Variants in SUOX observed in about 807,000 individuals in gnomAD.
SUOX encodes the protein sulfite oxidase, mitochondrial.
In SUOX, 39 loss-of-function variants were observed where a neutral mutation model predicts 41.9. That is an observed-to-expected ratio of 0.93 (90% CI 0.72 to 1.21). SUOX has a LOEUF of 1.21. Ranked by LOEUF, SUOX falls within the 50% of genes most tolerant of loss-of-function variation. The pLI is 0.00. For synonymous variants in SUOX, 220 were observed against 268.4 expected (o/e 0.82, Z 1.76); for missense variants, 633 against 689.5 (o/e 0.92, Z 0.92).
At chr12:56,003,032 CAA>C (rs34305778) in intron 4 of SUOX, 4,026 of 216,708 alleles carry the variant, frequency 0.019, no homozygotes, top group Middle Eastern at 0.032. Context: ...GACTCCATCT[CAA>C]AAAAAAAAAA....
At chr12:56,000,746 T>C (rs1333113308) in intron 2 of SUOX, among the ~76,000 whole-genome samples, 2 of 152,204 alleles carry the variant, frequency 1.3e-5, no homozygotes, top group Non-Finnish European at 2.9e-5. Context: ...CCCAGCTCTT[T>C]TATTACAGTA....
Position 56,003,934 on chromosome 12 carries a change from G to A in SUOX, c.545G>A (p.Arg182His), listed in dbSNP as rs1376981593. The part of the protein sequence containing the change: ...TSDPYADDPV[R>H]HPALKVNSQR... ...GACCCTTATGCTGATGATCCTGTAC[G>A]TCACCCAGCCCTGAAGGTCAACAGC... The change falls in exon 5 of 5, where the codon CGT (arginine) becomes CAT (histidine). Residue 182 changes from arginine (R) to histidine (H), a missense_variant. Physicochemically the swap from Arg to His is conservative, Grantham distance 29. Transcript: ENST00000266971. 85 of 1,613,878 alleles carry A rather than the reference G, an allele frequency of 5.3e-5. No individual in the cohort carries two copies. The highest frequency in any genetic ancestry group is 1.6e-4 in the Middle Eastern group (1 of 6,082).
intron 2 of SUOX, chr12:56,001,841 A>T: frequency 1.0e-6 from 1 of 965,200 alleles, no homozygotes; most frequent in Non-Finnish European, 1.3e-6. Flanking sequence ...TGCTGACTTC[A>T]GAAATAATAA....
chr12:56,002,135 T>C, intron 2 of SUOX, 77 bp from the exon 3 acceptor site: 1 of 1,585,862 alleles, frequency 6.3e-7, no homozygotes, highest in African/African-American at 1.3e-5. Context: ...TGTCTTCCTC[T>C]CACCCATTCC....
chr12:55,998,548 AG>A (rs1181319695), intron 2 of SUOX, among the ~76,000 whole-genome samples: 2 of 151,412 alleles, frequency 1.3e-5, no homozygotes, highest in Admixed American at 6.6e-5. Flanking sequence ...TGTCAGGGGC[AG>A]GGGGAGGGGA....
intron 4 of SUOX, chr12:56,003,184 C>T (rs1214407811): frequency 4.0e-6 from 1 of 248,464 alleles, no homozygotes; most frequent in Non-Finnish European, 7.9e-6. Flanking sequence ...TAATCTGCTA[C>T]CTTCGCTTCC....
At chr12:56,002,362 TGA>T (rs1410873112) in intron 3 of SUOX, 91 bp downstream of exon 3, 2 of 1,519,620 alleles carry the variant, frequency 1.3e-6, no homozygotes, top group African/African-American at 1.4e-5. Context: ...ATAAGACAGT[TGA>T]GAGAGTGTGT....
intron 2 of SUOX, among the ~76,000 whole-genome samples, chr12:56,001,119 T>TC (rs1890508816): frequency 1.6e-4 from 2 of 12,892 alleles, no homozygotes; most frequent in Non-Finnish European, 2.8e-4. Context: ...TTAATCTCTC[T>TC]TTTTTTTTTT....
At chr12:56,002,920 G>A (rs1890588135) in intron 4 of SUOX, 200 bp downstream of exon 4, 2 of 556,874 alleles carry the variant, frequency 3.6e-6, no homozygotes, top group South Asian at 3.9e-5. Context: ...TCAGCTACTT[G>A]AGAGGCTGAG....
chr12:56,001,109 T>C (rs991289996), intron 2 of SUOX, among the ~76,000 whole-genome samples: 1 of 143,746 alleles, frequency 7.0e-6, no homozygotes, highest in Admixed American at 7.3e-5. Flanking sequence ...GTTATTGTTG[T>C]TAATCTCTCT....
In SUOX at chr12:56,004,890, C is replaced by A. The variant is rs755326287; in HGVS notation, c.1501C>A (p.Gln501Lys). ...GTTGAAAGCCCCTGTGCCAGCTGGACAAAAGGAACTGAACATTGTTTGTAA... is the reference window on the plus strand; with the variant it reads ...GTTGAAAGCCCCTGTGCCAGCTGGAAAAAAGGAACTGAACATTGTTTGTAA... ...WQLKAPVPAG[Q>K]KELNIVCKAV... The change falls in exon 5 of 5, where the codon CAA (glutamine) becomes AAA (lysine). Residue 501 changes from glutamine to lysine, a missense_variant. By Grantham distance (53) the Gln-to-Lys change is moderately conservative. Coordinates refer to ENST00000266971, the MANE Select transcript of SUOX (RefSeq NM_001032386.2). The surrounding 1 kb of genome is among the most constrained non-coding windows in gnomAD (Gnocchi z 4.5). 2.5e-6 allele frequency: 4 copies of A among 1,614,082 alleles called. No individual in the cohort carries two copies. The East Asian group carries it at 8.9e-5, about 36-fold the overall frequency.
intron 2 of SUOX, among the ~76,000 whole-genome samples, chr12:55,999,974 C>G (rs957598835): frequency 6.6e-5 from 10 of 152,176 alleles, no homozygotes; most frequent in Admixed American, 6.5e-5. Flanking sequence ...TTGGTGCATT[C>G]ACAAACCCTG....
At chr12:56,000,513 G>A (rs959173899) in intron 2 of SUOX, among the ~76,000 whole-genome samples, 10 of 152,144 alleles carry the variant, frequency 6.6e-5, no homozygotes, top group African/African-American at 1.7e-4. Flanking sequence ...CCCGGTTCCC[G>A]CTCGCACCTC....
rs529781894 is a variant in SUOX, at chr12:56,003,782, T to G, written c.393T>G (p.Gly131=). 1.8e-5 allele frequency: 29 copies of G among 1,613,510 alleles called. 1 individual carries two copies. The South Asian group carries it at 3.1e-4, about 17-fold the overall frequency. Reference sequence around the variant, plus strand: ...CAAAGCTGATGCTAGCAGCTGGGGGTCCCCTAGAGCCCTTCTGGGCCCTCT... The same window carrying G: ...CAAAGCTGATGCTAGCAGCTGGGGGGCCCCTAGAGCCCTTCTGGGCCCTCT... ...GPSKLMLAAG[G]PLEPFWALYA... The change falls in exon 5 of 5, where the codon GGT becomes GGG. Residue 131 remains glycine (G), a synonymous_variant. Coordinates refer to ENST00000266971, the MANE Select transcript of SUOX (RefSeq NM_001032386.2).
chr12:56,005,255 G>T lies in SUOX; in HGVS notation c.*228G>T, dbSNP rs546585028. The T allele has an allele frequency of 2.3e-4, 137 of 604,902 alleles. No individual in the cohort carries two copies. The African/African-American group carries it at 2.3e-3, about 10-fold the overall frequency. The allele number at this position is 604,902 out of a possible 1,614,324, so 37.5% of individuals were successfully genotyped here. ...CAGGAAGTGTGAGCTGTTACAGCAA[G>T]GGGCTAGAAGTGAAAAAAGTAATTC... On this transcript the variant is annotated 3_prime_UTR_variant, in exon 5 of 5. Coordinates refer to ENST00000266971, the MANE Select transcript of SUOX (RefSeq NM_001032386.2).
Position 56,002,605 on chromosome 12 carries a change from C to T in SUOX, c.113C>T (p.Pro38Leu). 1 of 1,614,096 alleles carries T rather than the reference C, an allele frequency of 6.2e-7. No homozygotes were observed. The highest frequency in any genetic ancestry group is 1.3e-5 in the African/African-American group (1 of 75,016). ...QACSTNDSFQ[P>L]QRPSLTFSGD... ...TGCTCCACAAATGATTCATTTCAGC[C>T]CCAGCGCCCCAGCCTCACCTTCTCT... The change falls in exon 4 of 5, where the codon CCC (proline) becomes CTC (leucine). Residue 38 changes from proline (P) to leucine (L), a missense_variant. Pro to Leu is a moderately conservative substitution (Grantham distance 98). Transcript: ENST00000266971.
At chr12:56,002,851 A>G (rs759781772) in intron 4 of SUOX, 131 bp downstream of exon 4, 17 of 998,682 alleles carry the variant, frequency 1.7e-5, no homozygotes, top group Non-Finnish European at 2.6e-5. Context: ...CCTGGGCAAC[A>G]TGGCAAAACC....
At chr12:56,002,022 C>A in intron 2 of SUOX, 190 bp from the exon 3 acceptor site, 1 of 1,465,432 alleles carries the variant, frequency 6.8e-7, no homozygotes, top group South Asian at 1.3e-5. Context: ...CCTGTCAGCA[C>A]AGTCTGTCTC....
chr12:56,004,399 C>T lies in SUOX; in HGVS notation c.1010C>T (p.Ala337Val). 1 of 1,614,028 alleles carries T rather than the reference C, an allele frequency of 6.2e-7. No homozygotes were observed. The highest frequency in any genetic ancestry group is 1.1e-5 in the South Asian group (1 of 91,086). ...GTAYGASIPL[A>V]RAMDPEAEVL... ...GCCTATGGAGCATCCATCCCTCTGGCTCGGGCCATGGACCCTGAAGCTGAG... is the reference window on the plus strand; with the variant it reads ...GCCTATGGAGCATCCATCCCTCTGGTTCGGGCCATGGACCCTGAAGCTGAG... The change falls in exon 5 of 5, where the codon GCT becomes GTT. Residue 337 changes from alanine to valine, a missense_variant. Ala to Val is a moderately conservative substitution (Grantham distance 64, BLOSUM62 0). Coordinates refer to ENST00000266971, the MANE Select transcript of SUOX (RefSeq NM_001032386.2). The surrounding 1 kb of genome is among the most constrained non-coding windows in gnomAD (Gnocchi z 4.5).
Sources: allele counts gnomAD v4.1 joint callset (sites outside exome capture counted in the v4.1 genomes callset), GRCh38; gene constraint gnomAD v4.1.1; non-coding constraint Gnocchi (gnomAD v3.1); transcripts MANE v1.5; gene names NCBI Gene and HGNC (gene_info 2026-07-23, HGNC 2026-07-21).